The following ADAM10 variants were observed in gnomAD, a reference collection of about 807,000 sequenced individuals.
ADAM10 encodes the protein disintegrin and metalloproteinase domain-containing protein 10.
In ADAM10, 17 loss-of-function variants were observed where a neutral mutation model predicts 90.1. That is an observed-to-expected ratio of 0.19 (90% CI 0.13 to 0.28). ADAM10 has a LOEUF of 0.28. Ranked by LOEUF, ADAM10 falls within the 10% of genes least tolerant of loss-of-function variation. The pLI is 1.00. For missense variants in ADAM10, 610 were observed against 914.3 expected, an observed-to-expected ratio of 0.67 and a Z score of 4.29; for synonymous variants, 310 against 298.6, an observed-to-expected ratio of 1.04 and a Z score of -0.40.
At chr15:58,633,132 A>T in intron 9 of ADAM10, 64 bp downstream of exon 9, 1 of 1,455,722 alleles carries the variant, frequency 6.9e-7, no homozygotes, top group South Asian at 1.2e-5. Flanking sequence ...ATTTTAAATA[A>T]ATCACTCAAC....
At chr15:58,672,391 C>CA (rs762785221) in intron 4 of ADAM10, 10 of 154,684 alleles carry the variant, frequency 6.5e-5, no homozygotes, top group Non-Finnish European at 1.3e-4. Flanking sequence ...AAGCAGCACT[C>CA]ATGCTTCAGT....
intron 11 of ADAM10, among the ~76,000 whole-genome samples, chr15:58,613,890 A>C (rs1344090672): frequency 6.6e-6 from 1 of 152,188 alleles, no homozygotes; most frequent in Non-Finnish European, 1.5e-5. Flanking sequence ...CTGAGGTGGG[A>C]GGATCACTTG....
intron 14 of ADAM10, among the ~76,000 whole-genome samples, chr15:58,604,637 T>G (rs187347570): frequency 1.3e-5 from 2 of 152,332 alleles, no homozygotes; most frequent in South Asian, 4.1e-4. Flanking sequence ...ATTTATTACT[T>G]CCAGATTGCC....
intron 2 of ADAM10, among the ~76,000 whole-genome samples, chr15:58,708,885 C>T (rs1407521703): frequency 1.3e-5 from 2 of 152,130 alleles, no homozygotes; most frequent in African/African-American, 4.8e-5. Context: ...GTATGTCAAC[C>T]TGCAGAGGTA....
intron 5 of ADAM10, among the ~76,000 whole-genome samples, chr15:58,647,945 T>C (rs1309888052): frequency 4.6e-5 from 7 of 152,226 alleles, no homozygotes; most frequent in Non-Finnish European, 2.9e-5. Flanking sequence ...GTATTTTTGA[T>C]GGCACAGTAA....
In ADAM10 at chr15:58,621,364, C is replaced by G. The variant is rs1895781831; in HGVS notation, c.1511+107G>C. 2.2e-6 allele frequency: 3 copies of G among 1,370,964 alleles called. No homozygotes were observed. The East Asian group carries it at 7.4e-5, about 34-fold the overall frequency. The allele number at this position is 1,370,964 out of a possible 1,614,324, so 84.9% of individuals were successfully genotyped here. ...AAAGAAAACAAACAACAGATAAAAG[C>G]AAAGTTTCAAAACCATATGCATCTC... On this transcript the variant is annotated intron_variant, in intron 11 of 15. Transcript: ENST00000260408.
chr15:58,749,154 C>G (rs1453486133), intron 1 of ADAM10: 1 of 399,220 alleles, frequency 2.5e-6, no homozygotes, highest in Non-Finnish European at 4.4e-6. Flanking sequence ...AGCCACCAGC[C>G]TGGGTTCCAC....
intron 2 of ADAM10, chr15:58,691,400 A>C (rs1249107976): frequency 2.7e-6 from 2 of 745,640 alleles, no homozygotes; most frequent in Non-Finnish European, 4.9e-6. Flanking sequence ...CTTGCTCCAC[A>C]AAAGCAGAGT....
intron 5 of ADAM10, among the ~76,000 whole-genome samples, chr15:58,654,528 A>G (rs1896763070): frequency 1.3e-5 from 2 of 152,078 alleles, no homozygotes; most frequent in African/African-American, 4.8e-5. Flanking sequence ...ACAGGCATGC[A>G]CCACCACACC....
At chr15:58,601,104 T>C (rs16953381) in intron 14 of ADAM10, among the ~76,000 whole-genome samples, 7,662 of 152,250 alleles carry the variant, frequency 0.05, 662 homozygotes, top group African/African-American at 0.17. Flanking sequence ...ACATTTGTTT[T>C]ATTTTGAAAG....
At chr15:58,670,678 TG>T (rs1462524344) in intron 4 of ADAM10, among the ~76,000 whole-genome samples, 2 of 152,130 alleles carry the variant, frequency 1.3e-5, no homozygotes, top group African/African-American at 4.8e-5. Context: ...ATGTTAATGG[TG>T]GTGGACACAT....
At chr15:58,712,748 C>T (rs1898517227) in intron 2 of ADAM10, among the ~76,000 whole-genome samples, 1 of 152,016 alleles carries the variant, frequency 6.6e-6, no homozygotes, top group African/African-American at 2.4e-5. Flanking sequence ...ATGGCATGAA[C>T]CCAGGAGAGG....
At chr15:58,707,504 A>G (rs1165818636) in intron 2 of ADAM10, 2 of 152,210 alleles carry the variant, frequency 1.3e-5, no homozygotes, top group African/African-American at 2.4e-5. Context: ...CAAATCTACA[A>G]GAGTTCCTAA....
intron 14 of ADAM10, among the ~76,000 whole-genome samples, chr15:58,601,267 G>T (rs1288343741): frequency 6.6e-6 from 1 of 152,032 alleles, no homozygotes; most frequent in Non-Finnish European, 1.5e-5. Context: ...TTCGAGACTA[G>T]CCAGGCCCAC....
chr15:58,653,404 T>G (rs1388041130), intron 5 of ADAM10, among the ~76,000 whole-genome samples: 1 of 152,156 alleles, frequency 6.6e-6, no homozygotes. Context: ...TATACGCAAT[T>G]TTTTGAGCAT....
At chr15:58,639,077 C>A (rs888536462) in intron 8 of ADAM10, among the ~76,000 whole-genome samples, 2 of 147,640 alleles carry the variant, frequency 1.4e-5, no homozygotes, top group Non-Finnish European at 3.0e-5. Flanking sequence ...TGCAAAATGG[C>A]AGAAAGTTTT....
At chr15:58,727,166 C>T (rs1899058918) in intron 1 of ADAM10, among the ~76,000 whole-genome samples, 1 of 147,116 alleles carries the variant, frequency 6.8e-6, no homozygotes, top group South Asian at 2.1e-4. Flanking sequence ...CCATGCCATG[C>T]CTGACTAATC....
chr15:58,602,850 C>G (rs1415897057), intron 14 of ADAM10, among the ~76,000 whole-genome samples: 1 of 152,120 alleles, frequency 6.6e-6, no homozygotes, highest in Non-Finnish European at 1.5e-5. Context: ...ACGGCAAACT[C>G]AAAAGCTTAC....
At position 58,621,605 on chromosome 15, in the gene ADAM10, A is replaced by C. The variant is rs1337846975; in HGVS notation, c.1377T>G (p.Ile459Met). 6.2e-7 allele frequency: 1 copy of C among 1,614,064 alleles called. No individual in the cohort carries two copies. Among genetic ancestry groups the C allele is most frequent in the South Asian group, 1.1e-5 (1 of 91,076 alleles). Residue 459 changes from isoleucine to methionine, a missense_variant, in exon 11 of 16, where the codon ATT (isoleucine) becomes ATG (methionine). This residue lies in a region of ADAM10 where 97 missense variants were observed against 221.4 expected (regional missense o/e 0.44). Coordinates refer to ENST00000260408, the MANE Select transcript of ADAM10 (RefSeq NM_001110.4). ...CTTGTTCTACCATTCCATTTCCACA[A>C]ATAGGTTGGCCAGATTCTGAGGAAA... The part of the protein sequence containing the change: ...NNCFVESGQP[I>M]CGNGMVEQGE...
Sources: gnomAD v4.1 joint callset for allele counts (sites outside exome capture counted in the v4.1 genomes callset) on GRCh38, gnomAD v4.1.1 for gene constraint, gnomAD v4.1.1 regional missense constraint, MANE v1.5 for transcripts, NCBI Gene and HGNC (gene_info 2026-07-23, HGNC 2026-07-21) for gene names.